Variants in KANK1 observed in about 807,000 individuals in gnomAD.
The protein encoded by KANK1 is KN motif and ankyrin repeat domains 1.
In KANK1, 109 loss-of-function variants were observed where a neutral mutation model predicts 106.2. The observed-to-expected ratio is 1.03, with a 90% confidence interval of 0.88 to 1.20. The LOEUF (loss-of-function observed/expected upper bound fraction) is 1.20. Ranked by LOEUF, KANK1 falls within the 50% of genes most tolerant of loss-of-function variation. The probability of loss-of-function intolerance (pLI) is 0.00; values close to 1 mark genes in which losing one functional copy is unlikely to be tolerated. For missense variants in KANK1, 2,399 were observed against 1,710.7 expected (o/e 1.40, Z -7.10); for synonymous variants, 873 against 652.2 (o/e 1.34, Z -5.16).
At chr9:680,718 G>A (rs1227265531) in intron 2 of KANK1, 2 of 152,086 alleles carry the variant, frequency 1.3e-5, no homozygotes, top group Non-Finnish European at 2.9e-5. Context: ...TACTAAGCAC[G>A]TGTTCATCGT....
At chr9:621,842 C>G (rs1833214585) in intron 1 of KANK1, among the ~76,000 whole-genome samples, 1 of 152,100 alleles carries the variant, frequency 6.6e-6, no homozygotes, top group Non-Finnish European at 1.5e-5. Context: ...CACATGTGAA[C>G]TTTGCCCTCG....
chr9:559,057 C>T (rs1239112074), intron 1 of KANK1: 1 of 152,082 alleles, frequency 6.6e-6, no homozygotes, highest in East Asian at 1.9e-4. Flanking sequence ...TAAGGATGTA[C>T]TGTATTTTTT....
chr9:641,447 GACAGGTTTCTTTTATGAAATGGCT>G (rs1194517742), intron 1 of KANK1, among the ~76,000 whole-genome samples: 2 of 152,286 alleles, frequency 1.3e-5, no homozygotes, highest in African/African-American at 4.8e-5. Flanking sequence ...CTTTCCAAGA[GACAGGTTTCTTTTATGAAATGGCT>G]AAGATCATCT....
At chr9:707,247 G>A (rs1013515974) in intron 2 of KANK1, 240 of 986,206 alleles carry the variant, frequency 2.4e-4, no homozygotes, top group Non-Finnish European at 2.8e-4. Context: ...GGCGCCACGT[G>A]GTAGGTGAGC....
chr9:718,298 CTTTTTT>C (rs60145502), intron 3 of KANK1, among the ~76,000 whole-genome samples: 2 of 74,088 alleles, frequency 2.7e-5, no homozygotes, highest in Non-Finnish European at 4.9e-5. Flanking sequence ...CTTGCTGTGT[CTTTTTT>C]TTTTTTTTTT....
At chr9:664,218 C>T (rs1844038145) in intron 1 of KANK1, among the ~76,000 whole-genome samples, 1 of 152,106 alleles carries the variant, frequency 6.6e-6, no homozygotes, top group Non-Finnish European at 1.5e-5. Context: ...GCTCTTCATT[C>T]CCCATCCCCA....
intron 1 of KANK1, among the ~76,000 whole-genome samples, chr9:578,072 A>G (rs1821061311): frequency 6.6e-6 from 1 of 152,110 alleles, no homozygotes; most frequent in East Asian, 1.9e-4. Flanking sequence ...GAACTGAGAG[A>G]GAAGAGAAGA....
chr9:560,375 C>T (rs1288055879), intron 1 of KANK1, among the ~76,000 whole-genome samples: 1 of 152,156 alleles, frequency 6.6e-6, no homozygotes, highest in Non-Finnish European at 1.5e-5. Flanking sequence ...TTGTGCAATT[C>T]ACTGCCTTGC....
chr9:492,549 G>A (rs984941408), intron 3 of KANK1, among the ~76,000 whole-genome samples: 1 of 152,132 alleles, frequency 6.6e-6, no homozygotes, highest in Admixed American at 6.5e-5. Flanking sequence ...GTCTGTGAGA[G>A]ACAGTCTCAC....
intron 2 of KANK1, among the ~76,000 whole-genome samples, chr9:678,247 T>C (rs1268865552): frequency 1.3e-5 from 2 of 152,182 alleles, no homozygotes; most frequent in East Asian, 3.8e-4. Context: ...CTATCAATAA[T>C]AAAGACATGA....
intron 5 of KANK1, chr9:732,062 A>C: frequency 5.1e-6 from 1 of 194,304 alleles, no homozygotes; most frequent in Non-Finnish European, 1.1e-5. Flanking sequence ...TGGGGGGGGG[A>C]CAAAAAGCAC....
At chr9:646,851 G>T (rs189612832) in intron 1 of KANK1, among the ~76,000 whole-genome samples, 13 of 141,682 alleles carry the variant, frequency 9.2e-5, no homozygotes, top group Non-Finnish European at 1.3e-4. Flanking sequence ...ATGCCACCAC[G>T]CCTGGCTAAT....
chr9:681,320 T>C (rs1165953072), intron 2 of KANK1, among the ~76,000 whole-genome samples: 3 of 152,230 alleles, frequency 2.0e-5, no homozygotes, highest in Admixed American at 2.0e-4. Context: ...TTGACTGTTC[T>C]CTCATAGCCA....
chr9:640,523 G>T (rs929115203), intron 1 of KANK1, among the ~76,000 whole-genome samples: 1 of 151,836 alleles, frequency 6.6e-6, no homozygotes, highest in Non-Finnish European at 1.5e-5. Context: ...TCAGCCTCCT[G>T]AGTAGCTGGG....
intron 1 of KANK1, among the ~76,000 whole-genome samples, chr9:608,300 G>T (rs1196813391): frequency 6.6e-6 from 1 of 151,546 alleles, no homozygotes; most frequent in Non-Finnish European, 1.5e-5. Context: ...GCCTCCCAAA[G>T]TGCTGGGATT....
At chr9:724,067 C>T (rs545496870) in intron 3 of KANK1, among the ~76,000 whole-genome samples, 1 of 152,032 alleles carries the variant, frequency 6.6e-6, no homozygotes, top group East Asian at 1.9e-4. Flanking sequence ...CGCCACTGCA[C>T]TCCAGCCTGG....
At chr9:616,500 C>A (rs993511803) in intron 1 of KANK1, among the ~76,000 whole-genome samples, 2 of 152,196 alleles carry the variant, frequency 1.3e-5, no homozygotes. Context: ...ACATATAAAT[C>A]AAAGAAATAT....
At chr9:591,278 C>G (rs373341626) in intron 1 of KANK1, among the ~76,000 whole-genome samples, 1 of 151,628 alleles carries the variant, frequency 6.6e-6, no homozygotes, top group South Asian at 2.1e-4. Context: ...TTTAGGTTGT[C>G]AAATCTTTTT....
chr9:608,027 TA>T (rs1167024329), intron 1 of KANK1, among the ~76,000 whole-genome samples: 60 of 76,302 alleles, frequency 7.9e-4, no homozygotes, highest in East Asian at 1.9e-3. Flanking sequence ...TTATTATTAT[TA>T]TTATTATTTT....
Sources: gnomAD v4.1 joint callset for allele counts (sites outside exome capture counted in the v4.1 genomes callset) on GRCh38, gnomAD v4.1.1 for gene constraint, MANE v1.5 for transcripts, NCBI Gene and HGNC (gene_info 2026-07-23, HGNC 2026-07-21) for gene names.